Variants in NXPE2 observed in about 807,000 individuals in gnomAD.
NXPE2 encodes NXPE family member 2.
A neutral mutation model predicts 34.4 loss-of-function variants in NXPE2; 34 were observed. That is an observed-to-expected ratio of 0.99 (90% confidence interval 0.75 to 1.31). NXPE2 has a LOEUF of 1.31. Ranked by LOEUF, NXPE2 falls within the 40% of genes most tolerant of loss-of-function variation. The pLI is 0.00. For missense variants in NXPE2, 649 were observed against 672.5 expected (o/e 0.97, Z 0.39); for synonymous variants, 235 against 231.3 (o/e 1.02, Z -0.15).
the NXPE2 span, among the ~76,000 whole-genome samples, chr11:114,599,643 C>G: frequency 2.6e-5 from 4 of 152,260 alleles, no homozygotes; most frequent in African/African-American, 9.6e-5. Context: ...GGAGCTTTTA[C>G]TCATGGCAGA....
chr11:114,734,719 C>T, the NXPE2 span, among the ~76,000 whole-genome samples: 12 of 152,158 alleles, frequency 7.9e-5, no homozygotes, highest in Non-Finnish European at 1.2e-4. Context: ...TTGGTAGACT[C>T]TCCAGCTTCT....
At chr11:114,678,231 T>C (rs184040314), upstream of NXPE2, among the ~76,000 whole-genome samples, 2 of 152,242 alleles carry the variant, frequency 1.3e-5, no homozygotes, top group East Asian at 3.9e-4. Flanking sequence ...TAATCCTACG[T>C]GAAAACCATA....
chr11:114,468,508 C>A, the NXPE2 span, among the ~76,000 whole-genome samples: 1 of 152,142 alleles, frequency 6.6e-6, no homozygotes, highest in Non-Finnish European at 1.5e-5. Context: ...GCCTTTATTA[C>A]CTCCCAGGGA....
At chr11:114,700,218 T>G (rs558383528) in intron 3 of NXPE2, among the ~76,000 whole-genome samples, 1 of 152,368 alleles carries the variant, frequency 6.6e-6, no homozygotes, top group African/African-American at 2.4e-5. Flanking sequence ...CTTTTACTAT[T>G]TCCTCCGTAA....
chr11:114,648,433 G>A, the NXPE2 span, among the ~76,000 whole-genome samples: 1 of 152,154 alleles, frequency 6.6e-6, no homozygotes, highest in Non-Finnish European at 1.5e-5. Context: ...TCAGACTTTT[G>A]TTCTATTCAG....
the NXPE2 span, chr11:114,522,355 G>T: frequency 9.9e-6 from 16 of 1,614,094 alleles, no homozygotes; most frequent in African/African-American, 2.0e-4. Context: ...TTTCCCGAGG[G>T]ATATAATCAT....
At chr11:114,601,335 T>C in the NXPE2 span, among the ~76,000 whole-genome samples, 5 of 148,588 alleles carry the variant, frequency 3.4e-5, no homozygotes, top group African/African-American at 5.0e-5. Flanking sequence ...TAAGTGAGAA[T>C]ATGTGGTATT....
chr11:114,719,231 T>C, the NXPE2 span, among the ~76,000 whole-genome samples: 2 of 152,212 alleles, frequency 1.3e-5, no homozygotes, highest in African/African-American at 4.8e-5. Context: ...CCTCCACTAC[T>C]TCCTCCTTCC....
the NXPE2 span, chr11:114,571,555 A>G: frequency 1.6e-6 from 2 of 1,220,322 alleles, no homozygotes; most frequent in East Asian, 2.3e-5. Flanking sequence ...AAGAGATTTG[A>G]TTGGTATAAT....
chr11:114,581,804 A>C, the NXPE2 span: 98 of 1,577,324 alleles, frequency 6.2e-5, no homozygotes, highest in Non-Finnish European at 8.2e-5. Flanking sequence ...ACACAAATAC[A>C]GAAATTAATC....
chr11:114,679,787 T>G, intron 2 of NXPE2, 25 bp downstream of exon 2: 1 of 1,416,544 alleles, frequency 7.1e-7, no homozygotes, highest in South Asian at 1.2e-5. Flanking sequence ...TTTTAAGAAT[T>G]TCACAGAAGG....
chr11:114,563,483 T>C, the NXPE2 span, among the ~76,000 whole-genome samples: 1 of 152,068 alleles, frequency 6.6e-6, no homozygotes, highest in Non-Finnish European at 1.5e-5. Context: ...TTTAATTAAC[T>C]CCTAAAAAGC....
At chr11:114,645,509 A>G in the NXPE2 span, among the ~76,000 whole-genome samples, 1 of 152,146 alleles carries the variant, frequency 6.6e-6, no homozygotes, top group Non-Finnish European at 1.5e-5. Context: ...AACATAAATG[A>G]TAGAAGAAAA....
chr11:114,653,111 T>C, the NXPE2 span, among the ~76,000 whole-genome samples: 1 of 152,252 alleles, frequency 6.6e-6, no homozygotes, highest in Non-Finnish European at 1.5e-5. Flanking sequence ...ACAAGGGTTT[T>C]CTAAGAAGCA....
At chr11:114,581,168 C>T in the NXPE2 span, among the ~76,000 whole-genome samples, 2 of 152,042 alleles carry the variant, frequency 1.3e-5, no homozygotes, top group African/African-American at 4.8e-5. Context: ...AAAGCTCTTG[C>T]CTTGAGTCGT....
chr11:114,550,386 A>G, the NXPE2 span, among the ~76,000 whole-genome samples: 1 of 152,182 alleles, frequency 6.6e-6, no homozygotes, highest in African/African-American at 2.4e-5. Flanking sequence ...TAAAAAGACA[A>G]TGTAACAGAA....
the NXPE2 span, among the ~76,000 whole-genome samples, chr11:114,607,025 G>A: frequency 3.7e-5 from 5 of 134,214 alleles, no homozygotes; most frequent in Admixed American, 7.3e-5. Flanking sequence ...GAGTAATCAC[G>A]GTTACCCAGT....
the NXPE2 span, among the ~76,000 whole-genome samples, chr11:114,664,955 G>A: frequency 6.6e-6 from 1 of 152,124 alleles, no homozygotes; most frequent in African/African-American, 2.4e-5. Flanking sequence ...AAGCTATGAT[G>A]TTTGGTAGGT....
At chr11:114,762,991 T>G in the NXPE2 span, among the ~76,000 whole-genome samples, 1 of 152,128 alleles carries the variant, frequency 6.6e-6, no homozygotes, top group Non-Finnish European at 1.5e-5. Flanking sequence ...GCCTCCTGAC[T>G]GGTTTTCCTG....
Sources: gnomAD v4.1 joint callset for allele counts (sites outside exome capture counted in the v4.1 genomes callset) on GRCh38, gnomAD v4.1.1 for gene constraint, MANE v1.5 for transcripts, NCBI Gene and HGNC (gene_info 2026-07-23, HGNC 2026-07-21) for gene names.